ZNF765: variants seen among roughly 807,000 people sequenced by gnomAD.
ZNF765 encodes the protein zinc finger protein 765.
In ZNF765, 37 loss-of-function variants were observed where a neutral mutation model predicts 44.7. That is an observed-to-expected ratio of 0.83 (90% CI 0.64 to 1.09). The LOEUF is 1.09. ZNF765 is among the 50% of genes least tolerant of loss of function. The pLI is 0.00. For missense variants in ZNF765, 594 were observed against 626.1 expected, an observed-to-expected ratio of 0.95 and a Z score of 0.55; for synonymous variants, 201 against 213.7, an observed-to-expected ratio of 0.94 and a Z score of 0.52.
At chr19:53,398,842 C>T (rs373501545) in intron 2 of ZNF765, among the ~76,000 whole-genome samples, 20 of 152,178 alleles carry the variant, frequency 1.3e-4, no homozygotes, top group Admixed American at 3.9e-4. Flanking sequence ...CTCCACCTTC[C>T]GGGTTCAAGT....
chr19:53,414,465 ACACACACACACACACACACACACAC>A (rs2085859409), downstream of ZNF765, among the ~76,000 whole-genome samples: 1 of 4,986 alleles, frequency 2.0e-4, no homozygotes, highest in African/African-American at 1.3e-3. Context: ...ACACACACAC[ACACACACACACACACACACACACAC>A]CCCCCCCCCC....
downstream of ZNF765, among the ~76,000 whole-genome samples, chr19:53,415,180 G>T (rs367700055): frequency 2.0e-5 from 3 of 151,680 alleles, no homozygotes; most frequent in South Asian, 6.2e-4. Flanking sequence ...TGAGGCAGGA[G>T]AATCACTTGA....
chr19:53,407,960 T>C lies in ZNF765; in HGVS notation c.405T>C (p.Pro135=). 1.2e-6 allele frequency: 2 copies of C among 1,614,202 alleles called. No homozygotes were observed. Among genetic ancestry groups the C allele is most frequent in the South Asian group, 1.1e-5 (1 of 91,086 alleles). ...RYDQNYAGNK[P]VKYQLGFSFH... is the part of the protein sequence containing the mutation. Reference sequence around the variant, plus strand: ...ATCAAAATTATGCTGGAAACAAGCCTGTTAAATATCAGCTTGGATTCAGCT... The same window carrying C: ...ATCAAAATTATGCTGGAAACAAGCCCGTTAAATATCAGCTTGGATTCAGCT... The change falls in exon 4 of 4, where the codon CCT becomes CCC. Residue 135 remains proline (P), a synonymous_variant. Transcript: ENST00000396408.
At chr19:53,412,833 A>C (rs2085843777), downstream of ZNF765, among the ~76,000 whole-genome samples, 1 of 151,564 alleles carries the variant, frequency 6.6e-6, no homozygotes, top group Admixed American at 6.6e-5. Context: ...TCAGTTTTAC[A>C]AAAAAAAATT....
chr19:53,399,476 A>G (rs550864699), intron 2 of ZNF765, among the ~76,000 whole-genome samples: 1 of 151,960 alleles, frequency 6.6e-6, no homozygotes, highest in Non-Finnish European at 1.5e-5. Flanking sequence ...GCATCATATG[A>G]GACTTTAGAA....
chr19:53,418,053 G>A (rs1004569205), intron 3 of ZNF765, among the ~76,000 whole-genome samples: 2 of 152,134 alleles, frequency 1.3e-5, no homozygotes, highest in South Asian at 2.1e-4. Flanking sequence ...TGCTACCCGC[G>A]AATTAGTACA....
chr19:53,406,411 A>G (rs1450531731), intron 3 of ZNF765, among the ~76,000 whole-genome samples: 5 of 151,884 alleles, frequency 3.3e-5, no homozygotes, highest in Non-Finnish European at 7.4e-5. Context: ...CATGTATTTC[A>G]GTTCTTATAT....
At chr19:53,402,245 CTCCT>C (rs2085734081) in intron 3 of ZNF765, 54 bp downstream of exon 3, 1 of 1,327,884 alleles carries the variant, frequency 7.5e-7, no homozygotes, top group African/African-American at 1.7e-5. Context: ...TGTATTTTCT[CTCCT>C]TTTTTTTTTT....
At chr19:53,407,506 G>A (rs938618937) in intron 3 of ZNF765, among the ~76,000 whole-genome samples, 192 bp from the exon 4 acceptor site, 4 of 152,258 alleles carry the variant, frequency 2.6e-5, no homozygotes, top group East Asian at 1.9e-4. Context: ...ATAGACTTCC[G>A]TAAAAATAAT....
At chr19:53,417,718 A>T (rs1209445092) in intron 3 of ZNF765, among the ~76,000 whole-genome samples, 1 of 152,128 alleles carries the variant, frequency 6.6e-6, no homozygotes, top group Non-Finnish European at 1.5e-5. Context: ...GGAATTCAAA[A>T]ATTTCTAATG....
downstream of ZNF765, among the ~76,000 whole-genome samples, chr19:53,413,749 T>C (rs1040779525): frequency 1.1e-4 from 17 of 151,444 alleles, no homozygotes; most frequent in African/African-American, 4.1e-4. Context: ...CGACAGACCC[T>C]TGGACTTTAC....
chr19:53,398,789 G>A (rs1368932404), intron 2 of ZNF765, among the ~76,000 whole-genome samples: 2 of 151,904 alleles, frequency 1.3e-5, no homozygotes, highest in South Asian at 4.1e-4. Context: ...TTGCTTTGTC[G>A]CCCAGGCTGA....
downstream of ZNF765, among the ~76,000 whole-genome samples, chr19:53,415,133 G>A (rs2085867301): frequency 6.6e-6 from 1 of 152,078 alleles, no homozygotes; most frequent in Non-Finnish European, 1.5e-5. Context: ...AGCCTGGCAT[G>A]GTGGCACATG....
chr19:53,403,187 A>G (rs759507173), intron 3 of ZNF765, among the ~76,000 whole-genome samples: 5 of 151,938 alleles, frequency 3.3e-5, no homozygotes, highest in Non-Finnish European at 7.4e-5. Context: ...AAAATTTCAT[A>G]TGTGTGTCCT....
At chr19:53,420,667 A>G (rs975238393) in intron 3 of ZNF765, among the ~76,000 whole-genome samples, 1 of 152,100 alleles carries the variant, frequency 6.6e-6, no homozygotes, top group East Asian at 1.9e-4. Flanking sequence ...CCTAGCCCCA[A>G]CCCTGTCATT....
intron 3 of ZNF765, among the ~76,000 whole-genome samples, chr19:53,402,699 A>G (rs2085739536): frequency 6.6e-6 from 1 of 152,030 alleles, no homozygotes; most frequent in South Asian, 2.1e-4. Flanking sequence ...GGTAGCTGGT[A>G]CAGGTGCATG....
chr19:53,404,865 T>C (rs1347514968), intron 3 of ZNF765, among the ~76,000 whole-genome samples: 1 of 152,222 alleles, frequency 6.6e-6, no homozygotes, highest in Non-Finnish European at 1.5e-5. Context: ...TTTGTCAGCC[T>C]TCAGTGATGT....
chr19:53,410,863 C>G lies in ZNF765; in HGVS notation c.*1736C>G. On this transcript the variant is annotated 3_prime_UTR_variant, in exon 4 of 4. Transcript: ENST00000396408. ...CACAAGTGTGATGATTGCGGCAAAG[C>G]CTTTAATTCACATTCACACCTCACT... 2.1e-6 allele frequency: 1 copy of G among 472,644 alleles called. No individual in the cohort carries two copies. The highest frequency in any genetic ancestry group is 2.3e-5 in the Admixed American group (1 of 42,712). 29.3% of individuals were successfully genotyped at this position (472,644 alleles called of 1,614,324 possible). A position where few individuals can be genotyped will look rare whatever the true frequency, so the allele number is the denominator to read the frequency against.
rs893449900 is a variant in ZNF765, at chr19:53,425,471, G to C, written c.*2369G>C. 3 of 152,232 alleles carry C rather than the reference G, an allele frequency of 2.0e-5. No individual in the cohort carries two copies. In the East Asian group the frequency reaches 5.8e-4, roughly 29 times the overall value. The allele number at this position is 152,232 out of a possible 1,614,324, so 9.4% of individuals were successfully genotyped here. Reference sequence around the variant, plus strand: ...CTACAGGTGTGCCTCATCACCATGGGCTATTTTTATTTTTGTATTTTGTAG... The same window carrying C: ...CTACAGGTGTGCCTCATCACCATGGCCTATTTTTATTTTTGTATTTTGTAG... On this transcript the variant is annotated 3_prime_UTR_variant, in exon 4 of 4. Transcript: ENST00000594030.
Sources: gnomAD v4.1 joint callset for allele counts (sites outside exome capture counted in the v4.1 genomes callset) on GRCh38, gnomAD v4.1.1 for gene constraint, MANE v1.5 for transcripts, NCBI Gene and HGNC (gene_info 2026-07-23, HGNC 2026-07-21) for gene names.